The following LY6S variants were observed in gnomAD, a reference collection of about 807,000 sequenced individuals.
The protein encoded by LY6S is lymphocyte antigen 6 family member S, also known as lymphocyte antigen 6S.
the LY6S span, among the ~76,000 whole-genome samples, chr8:143,061,382 A>G: frequency 6.6e-6 from 1 of 152,264 alleles, no homozygotes; most frequent in Admixed American, 6.5e-5. Context: ...TCAACACAAC[A>G]CGACAATATT....
the LY6S span, among the ~76,000 whole-genome samples, chr8:143,051,774 C>A: frequency 2.5e-4 from 38 of 151,764 alleles, no homozygotes; most frequent in Admixed American, 1.4e-3. Flanking sequence ...GAGTTCTAGA[C>A]CACCCTGGCC....
At chr8:143,054,562 G>A in the LY6S span, among the ~76,000 whole-genome samples, 17 of 152,210 alleles carry the variant, frequency 1.1e-4, no homozygotes, top group Admixed American at 9.8e-4. Flanking sequence ...ACCACCACAC[G>A]GAGTTGTGGG....
the LY6S span, among the ~76,000 whole-genome samples, chr8:143,068,031 CCCTT>C: frequency 6.6e-6 from 1 of 152,164 alleles, no homozygotes; most frequent in Non-Finnish European, 1.5e-5. Flanking sequence ...TCAGCACAGA[CCCTT>C]CACGGGTGTT....
At chr8:143,048,231 GT>G in the LY6S span, among the ~76,000 whole-genome samples, 1 of 152,124 alleles carries the variant, frequency 6.6e-6, no homozygotes, top group Non-Finnish European at 1.5e-5. Flanking sequence ...TGCCTGGACC[GT>G]TTCTGTGGAT....
the LY6S span, among the ~76,000 whole-genome samples, chr8:143,060,511 C>T: frequency 6.6e-6 from 1 of 152,242 alleles, no homozygotes; most frequent in Non-Finnish European, 1.5e-5. Flanking sequence ...CCCTCTCTCT[C>T]TCCGCCTCGG....
the LY6S span, among the ~76,000 whole-genome samples, chr8:143,071,091 G>A: frequency 6.6e-6 from 1 of 151,836 alleles, no homozygotes; most frequent in African/African-American, 2.4e-5. Context: ...CATGGCTGGC[G>A]GAAGACCCGG....
At chr8:143,042,805 C>T in the LY6S span, among the ~76,000 whole-genome samples, 18 of 152,234 alleles carry the variant, frequency 1.2e-4, no homozygotes, top group East Asian at 1.2e-3. Flanking sequence ...CCCTGGGCCA[C>T]GGTTTCTCTA....
At chr8:143,047,209 A>T in the LY6S span, among the ~76,000 whole-genome samples, 7 of 150,588 alleles carry the variant, frequency 4.6e-5, no homozygotes, top group African/African-American at 1.7e-4. Context: ...GTGCCATCTC[A>T]GCTCACTGCA....
the LY6S span, among the ~76,000 whole-genome samples, chr8:143,060,722 A>G: frequency 3.3e-3 from 498 of 152,194 alleles, 1 homozygote; most frequent in South Asian, 9.3e-3. Flanking sequence ...CTTTTCTTCT[A>G]TCTCTTTGTC....
At chr8:143,056,535 C>G in the LY6S span, among the ~76,000 whole-genome samples, 1 of 152,056 alleles carries the variant, frequency 6.6e-6, no homozygotes, top group Non-Finnish European at 1.5e-5. Flanking sequence ...ACTGTAAAGG[C>G]AGAAGTGAAT....
the LY6S span, among the ~76,000 whole-genome samples, chr8:143,073,812 TCCC>T: frequency 7.3e-6 from 1 of 137,784 alleles, no homozygotes; most frequent in African/African-American, 2.7e-5. Flanking sequence ...GTCCCCGGGG[TCCC>T]TGTTTGAGGA....
At chr8:143,066,101 G>A in the LY6S span, 695 of 411,136 alleles carry the variant, frequency 1.7e-3, 3 homozygotes, top group African/African-American at 0.012. Context: ...CACTCGCTTC[G>A]GAAATGTCCC....
At chr8:143,048,470 CTTTTTT>C in the LY6S span, among the ~76,000 whole-genome samples, 1,325 of 124,496 alleles carry the variant, frequency 0.011, 9 homozygotes, top group Middle Eastern at 0.017. Context: ...ACAAAATTTT[CTTTTTT>C]TTTTTTTTTT....
At chr8:143,046,009 A>T in the LY6S span, among the ~76,000 whole-genome samples, 1 of 152,084 alleles carries the variant, frequency 6.6e-6, no homozygotes, top group African/African-American at 2.4e-5. Context: ...GCCCACCACC[A>T]CACCCAGTTA....
chr8:143,044,497 T>C, the LY6S span: 1 of 423,348 alleles, frequency 2.4e-6, no homozygotes, highest in South Asian at 2.0e-5. Flanking sequence ...CTGCCGCTCT[T>C]CCACCCTTCC....
At chr8:143,073,302 C>CAT in the LY6S span, among the ~76,000 whole-genome samples, 1 of 75,014 alleles carries the variant, frequency 1.3e-5, no homozygotes, top group African/African-American at 7.6e-5. Context: ...GTCCCCGGGG[C>CAT]TCCTGTTCGA....
the LY6S span, chr8:143,043,352 G>C: frequency 1.1e-6 from 1 of 899,446 alleles, no homozygotes; most frequent in Non-Finnish European, 1.5e-6. Context: ...CGAGAGAGCG[G>C]GGTGGGGGAT....
chr8:143,052,308 C>A, the LY6S span, among the ~76,000 whole-genome samples: 2 of 152,138 alleles, frequency 1.3e-5, no homozygotes, highest in Non-Finnish European at 2.9e-5. Context: ...ATAATTATCT[C>A]CATATGGGGC....
At chr8:143,062,826 G>C in the LY6S span, among the ~76,000 whole-genome samples, 1 of 152,186 alleles carries the variant, frequency 6.6e-6, no homozygotes, top group Admixed American at 6.5e-5. Context: ...TGATGATGAT[G>C]ATGATGATGT....
Sources: gnomAD v4.1 joint callset for allele counts (sites outside exome capture counted in the v4.1 genomes callset) on GRCh38, gnomAD v4.1.1 for gene constraint, MANE v1.5 for transcripts, NCBI Gene and HGNC (gene_info 2026-07-23, HGNC 2026-07-21) for gene names.